Variants in DAPL1 observed in about 807,000 individuals in gnomAD.
DAPL1 encodes death-associated protein-like 1.
DAPL1 carries 17 observed loss-of-function variants against 12.9 expected under a neutral mutation model. The ratio of observed to expected loss-of-function variants is 1.32; its 90% CI spans 0.90 to 1.98. The LOEUF (loss-of-function observed/expected upper bound fraction) is 1.98. DAPL1 is among the 30% of genes most tolerant of loss of function. The probability of loss-of-function intolerance (pLI) is 0.00; values close to 1 mark genes in which losing one functional copy is unlikely to be tolerated. For missense variants in DAPL1, 157 were observed against 125.7 expected (o/e 1.25, Z -1.19); for synonymous variants, 51 against 42.0 (o/e 1.21, Z -0.82).
At chr2:158,797,791 G>GA (rs144141422) in intron 1 of DAPL1, among the ~76,000 whole-genome samples, 115 of 143,712 alleles carry the variant, frequency 8.0e-4, no homozygotes, top group African/African-American at 1.2e-3. Context: ...GACCCCGTCT[G>GA]AAAAAAAAAA....
chr2:158,809,959 A>G lies in DAPL1; in HGVS notation c.207+2844A>G, dbSNP rs2059221889. 3.3e-5 allele frequency among the ~76,000 whole-genome samples: 5 copies of G among 152,340 alleles called. No individual in the cohort carries two copies. The South Asian group carries it at 1.0e-3, about 32-fold the overall frequency. On this transcript the variant is annotated intron_variant, in intron 3 of 3. Transcript: ENST00000309950. The stretch of plus-strand genomic sequence containing the variant: ...GCTGACCACTAGATCTACCAAGATC[A>G]GCAGTTGTGTGGGACTGAGTAGGAG...
chr2:158,796,704 C>T (rs1024677539), intron 1 of DAPL1, among the ~76,000 whole-genome samples: 1 of 152,168 alleles, frequency 6.6e-6, no homozygotes, highest in Non-Finnish European at 1.5e-5. Flanking sequence ...TTTTGCTAAA[C>T]TACATTTATG....
At chr2:158,797,563 G>A (rs1360028129) in intron 1 of DAPL1, among the ~76,000 whole-genome samples, 1 of 152,132 alleles carries the variant, frequency 6.6e-6, no homozygotes, top group African/African-American at 2.4e-5. Context: ...AGGCCGAGGT[G>A]GGTGGATCAC....
intron 1 of DAPL1, among the ~76,000 whole-genome samples, chr2:158,799,614 A>G (rs903777798): frequency 6.6e-6 from 1 of 152,216 alleles, no homozygotes; most frequent in African/African-American, 2.4e-5. Flanking sequence ...GCCCAAATCT[A>G]TATCAGTGCA....
intron 1 of DAPL1, among the ~76,000 whole-genome samples, chr2:158,802,135 A>G (rs1469911781): frequency 3.9e-5 from 6 of 152,250 alleles, no homozygotes; most frequent in South Asian, 2.1e-4. Context: ...TGGAGGAACA[A>G]CAACTGTCAT....
chr2:158,802,315 A>T (rs2059172327), intron 1 of DAPL1, among the ~76,000 whole-genome samples: 2 of 152,252 alleles, frequency 1.3e-5, no homozygotes, highest in South Asian at 4.1e-4. Flanking sequence ...AACTGTTAGG[A>T]GAGCAAGAAC....
chr2:158,795,370 G>T lies in DAPL1; in HGVS notation c.-3G>T, dbSNP rs749059102. The T allele has an allele frequency of 7.1e-6, 11 of 1,554,568 alleles. No individual in the cohort carries two copies. In the South Asian group the frequency reaches 7.1e-5, roughly 10 times the overall value. Reference sequence around the variant, plus strand: ...AGCACTGGCACTGGCACTGGCACACGCTATGGCAAATGAAGTGCAAGACCT... The same window carrying T: ...AGCACTGGCACTGGCACTGGCACACTCTATGGCAAATGAAGTGCAAGACCT... On this transcript the variant is annotated 5_prime_UTR_variant, in exon 1 of 4. Transcript: ENST00000309950.
intron 3 of DAPL1, among the ~76,000 whole-genome samples, chr2:158,810,361 A>G (rs982647875): frequency 1.3e-5 from 2 of 152,204 alleles, no homozygotes; most frequent in Non-Finnish European, 2.9e-5. Context: ...GCATTTATTA[A>G]CATGCATTCA....
intron 3 of DAPL1, among the ~76,000 whole-genome samples, chr2:158,809,362 A>AAAAAAAAAAAAAAG (rs1443971718): frequency 7.3e-5 from 11 of 151,198 alleles, no homozygotes; most frequent in South Asian, 2.1e-4. Context: ...CATCTCAAAA[A>AAAAAAAAAAAAAAG]AAAAAAGAAA....
At chr2:158,812,036 A>G (rs1362503273) in intron 3 of DAPL1, among the ~76,000 whole-genome samples, 4 of 152,206 alleles carry the variant, frequency 2.6e-5, no homozygotes, top group Non-Finnish European at 5.9e-5. Context: ...CTCTCCACCC[A>G]TAGCCCCAAG....
chr2:158,804,291 G>C lies in DAPL1; in HGVS notation c.68G>C (p.Gly23Ala). ...KGGHPPAVKA[G>A]GMRISKKQEI... is the part of the protein sequence containing the mutation. ...TTTTATCTGTTTGTAGTAAAAGCTG[G>C]AGGAATGAGAATTTCCAAAAAACAA... Residue 23 changes from glycine (G) to alanine (A), a missense_variant, in exon 2 of 4, where the codon GGA (glycine) becomes GCA (alanine). Physicochemically the swap from Gly to Ala is moderately conservative, Grantham distance 60. Transcript: ENST00000309950. 2 of 1,608,158 alleles carry C rather than the reference G, an allele frequency of 1.2e-6. No individual in the cohort carries two copies. Among genetic ancestry groups the C allele is most frequent in the South Asian group, 2.2e-5 (2 of 89,954 alleles).
intron 3 of DAPL1, among the ~76,000 whole-genome samples, chr2:158,808,212 GC>G (rs1018894659): frequency 1.3e-5 from 2 of 152,206 alleles, no homozygotes; most frequent in Non-Finnish European, 1.5e-5. Context: ...AAAATCAGAT[GC>G]CTGAGGACCA....
intron 1 of DAPL1, among the ~76,000 whole-genome samples, chr2:158,796,260 CA>C (rs1436745646): frequency 2.6e-5 from 4 of 152,250 alleles, no homozygotes; most frequent in African/African-American, 7.2e-5. Flanking sequence ...TCTCCATTTA[CA>C]AAAACATATT....
intron 1 of DAPL1, among the ~76,000 whole-genome samples, chr2:158,799,787 C>A (rs1330952084): frequency 6.6e-6 from 1 of 152,072 alleles, no homozygotes; most frequent in Non-Finnish European, 1.5e-5. Flanking sequence ...AGCCTACAGC[C>A]CTATGACAGA....
chr2:158,809,396 A>AT (rs971788545), intron 3 of DAPL1, among the ~76,000 whole-genome samples: 6 of 147,416 alleles, frequency 4.1e-5, no homozygotes, highest in Admixed American at 1.4e-4. Context: ...AACTATACCT[A>AT]TTTTTTAAAA....
chr2:158,800,914 C>T (rs924774130), intron 1 of DAPL1, among the ~76,000 whole-genome samples: 1 of 152,032 alleles, frequency 6.6e-6, no homozygotes, highest in African/African-American at 2.4e-5. Context: ...ATCTCAGCTC[C>T]CTGCAACCTC....
chr2:158,800,691 C>A (rs2059162447), intron 1 of DAPL1, among the ~76,000 whole-genome samples: 2 of 152,148 alleles, frequency 1.3e-5, no homozygotes, highest in African/African-American at 4.8e-5. Flanking sequence ...TCCCTAAGTT[C>A]TCTCGCTTTG....
At chr2:158,806,397 T>C (rs1270557910) in intron 2 of DAPL1, among the ~76,000 whole-genome samples, 1 of 152,160 alleles carries the variant, frequency 6.6e-6, no homozygotes. Context: ...ACAAAAACAG[T>C]CAAAACTAGT....
chr2:158,808,248 A>G (rs1341333152), intron 3 of DAPL1, among the ~76,000 whole-genome samples: 2 of 152,258 alleles, frequency 1.3e-5, no homozygotes, highest in African/African-American at 2.4e-5. Flanking sequence ...GAAAAAGATT[A>G]GTGCAGCTGG....
Sources: allele counts gnomAD v4.1 joint callset (sites outside exome capture counted in the v4.1 genomes callset), GRCh38; gene constraint gnomAD v4.1.1; transcripts MANE v1.5; gene names NCBI Gene and HGNC (gene_info 2026-07-23, HGNC 2026-07-21).